PIGU: variants seen among roughly 807,000 people sequenced by gnomAD.
PIGU encodes the protein GPI-anchor transamidase component PIGU.
Under a neutral mutation model 49.9 loss-of-function variants are expected in PIGU, and 24 were observed. The ratio of observed to expected loss-of-function variants is 0.48; its 90% CI spans 0.35 to 0.68. The LOEUF is 0.68. PIGU is among the 30% of genes least tolerant of loss of function. The pLI, the probability that PIGU is intolerant of heterozygous loss-of-function variation, is 0.01. For missense variants in PIGU, 490 were observed against 532.6 expected, an observed-to-expected ratio of 0.92 and a Z score of 0.79; for synonymous variants, 220 against 205.7, an observed-to-expected ratio of 1.07 and a Z score of -0.59.
chr20:34,589,104 TACAC>T (rs11469162), intron 7 of PIGU, among the ~76,000 whole-genome samples: 5,574 of 145,930 alleles, frequency 0.038, 197 homozygotes, highest in African/African-American at 0.095. Flanking sequence ...TACTATTATT[TACAC>T]ACACACACAC....
chr20:34,577,672 C>T (rs1872954237), intron 10 of PIGU, among the ~76,000 whole-genome samples: 1 of 152,250 alleles, frequency 6.6e-6, no homozygotes, highest in African/African-American at 2.4e-5. Flanking sequence ...GCCGAGATTG[C>T]ACCACTGCAC....
intron 11 of PIGU, among the ~76,000 whole-genome samples, chr20:34,570,796 T>C (rs1395363654): frequency 6.6e-6 from 1 of 152,198 alleles, no homozygotes; most frequent in African/African-American, 2.4e-5. Context: ...CCTACTCTTT[T>C]AAAAAAGCTA....
At position 34,560,913 on chromosome 20, in the gene PIGU, A is replaced by G. The variant is rs2146684714; in HGVS notation, c.1261T>C (p.Tyr421His). The change falls in exon 12 of 12, where the codon TAC becomes CAC. Residue 421 changes from tyrosine to histidine, a missense_variant. Physicochemically the swap from Tyr to His is moderately conservative, Grantham distance 83. Transcript: ENST00000217446. ...TCTGTGCCATCCTTGGCGGTCAAGTAGAGGCCATGTGTGAGGTAGTACTCC... is the reference window on the plus strand; with the variant it reads ...TCTGTGCCATCCTTGGCGGTCAAGTGGAGGCCATGTGTGAGGTAGTACTCC... The part of the protein sequence containing the change: ...RREYYLTHGL[Y>H]LTAKDGTEAM... The G allele has an allele frequency of 1.2e-6, 2 of 1,613,004 alleles. No individual in the cohort carries two copies. Among genetic ancestry groups the G allele is most frequent in the South Asian group, 2.2e-5 (2 of 91,024 alleles).
intron 7 of PIGU, among the ~76,000 whole-genome samples, chr20:34,614,895 T>C (rs1340636563): frequency 6.6e-6 from 1 of 152,242 alleles, no homozygotes; most frequent in Non-Finnish European, 1.5e-5. Context: ...CACTGCCACC[T>C]GTACACTTTC....
intron 1 of PIGU, among the ~76,000 whole-genome samples, chr20:34,666,264 C>T (rs1987088978): frequency 6.6e-6 from 1 of 151,954 alleles, no homozygotes; most frequent in South Asian, 2.1e-4. Context: ...GGGGAAAAAA[C>T]AAAAAGACAA....
At chr20:34,626,363 C>T (rs970381138) in intron 6 of PIGU, among the ~76,000 whole-genome samples, 19 of 148,506 alleles carry the variant, frequency 1.3e-4, no homozygotes, top group African/African-American at 2.7e-4. Flanking sequence ...AGTGCAATGG[C>T]GTGATCTCGG....
intron 9 of PIGU, among the ~76,000 whole-genome samples, chr20:34,583,889 T>C (rs1012627644): frequency 6.6e-6 from 1 of 152,236 alleles, no homozygotes; most frequent in African/African-American, 2.4e-5. Flanking sequence ...CCATGGAGAA[T>C]GGCAGGAAGG....
intron 2 of PIGU, among the ~76,000 whole-genome samples, chr20:34,646,208 T>C (rs1336402763): frequency 1.3e-5 from 2 of 152,194 alleles, no homozygotes; most frequent in Non-Finnish European, 1.5e-5. Context: ...AATCACAGAT[T>C]CTATTTATTT....
chr20:34,594,312 G>C (rs1356241223), intron 7 of PIGU, among the ~76,000 whole-genome samples: 2 of 152,182 alleles, frequency 1.3e-5, no homozygotes, highest in African/African-American at 4.8e-5. Context: ...ACTTGTAATT[G>C]CAAAATATTG....
chr20:34,631,144 G>A (rs1390719711), intron 6 of PIGU, among the ~76,000 whole-genome samples: 1 of 151,852 alleles, frequency 6.6e-6, no homozygotes, highest in Admixed American at 6.6e-5. Context: ...ATAAAAATAG[G>A]ATGCCTCAAA....
At chr20:34,658,388 A>G (rs1986784906) in intron 1 of PIGU, among the ~76,000 whole-genome samples, 1 of 152,136 alleles carries the variant, frequency 6.6e-6, no homozygotes, top group Non-Finnish European at 1.5e-5. Context: ...CAAAGTGCCG[A>G]GATTGCAGCC....
At chr20:34,640,664 G>C (rs1489888299) in intron 4 of PIGU, among the ~76,000 whole-genome samples, 1 of 152,172 alleles carries the variant, frequency 6.6e-6, no homozygotes, top group Admixed American at 6.5e-5. Flanking sequence ...GAGATTAAAA[G>C]TGATGTGAAG....
chr20:34,672,855 T>TA (rs772400912), intron 1 of PIGU, among the ~76,000 whole-genome samples: 1 of 95,300 alleles, frequency 1.0e-5, no homozygotes, highest in African/African-American at 4.3e-5. Flanking sequence ...ACCCTGTCTC[T>TA]CAAAAAAAAA....
intron 6 of PIGU, 114 bp from the exon 7 acceptor site, chr20:34,616,253 G>A: frequency 2.6e-6 from 3 of 1,135,348 alleles, no homozygotes; most frequent in Non-Finnish European, 3.7e-6. Context: ...CACCTGCCAA[G>A]TGCCTCCTGG....
intron 2 of PIGU, among the ~76,000 whole-genome samples, chr20:34,646,684 C>T (rs556106765): frequency 6.6e-6 from 1 of 152,338 alleles, no homozygotes; most frequent in South Asian, 2.1e-4. Flanking sequence ...GCTGGCATTA[C>T]AGGCAGGAGC....
chr20:34,569,689 G>T (rs902914965), intron 11 of PIGU, among the ~76,000 whole-genome samples: 1 of 152,314 alleles, frequency 6.6e-6, no homozygotes, highest in Non-Finnish European at 1.5e-5. Context: ...CTAGCCAGAG[G>T]CCCAAATCAG....
intron 2 of PIGU, among the ~76,000 whole-genome samples, chr20:34,654,147 G>A (rs1349724288): frequency 6.5e-5 from 6 of 92,698 alleles, no homozygotes; most frequent in African/African-American, 1.1e-4. Flanking sequence ...GTGAGCCACC[G>A]TGCCCGGCCC....
At chr20:34,567,557 G>A (rs527363483) in intron 11 of PIGU, among the ~76,000 whole-genome samples, 7 of 150,898 alleles carry the variant, frequency 4.6e-5, no homozygotes, top group African/African-American at 1.7e-4. Context: ...TGGTGCCCTG[G>A]ATGCCAGGCT....
In PIGU at chr20:34,581,574, A is replaced by G. The variant is rs1017615601; in HGVS notation, c.1025T>C (p.Phe342Ser). The G allele has an allele frequency of 6.2e-7, 1 of 1,613,496 alleles. No individual in the cohort carries two copies. Reference protein sequence around the residue: ...VGDVALYMAFFPVWNHLYRFL... With the variant: ...VGDVALYMAFSPVWNHLYRFL... ...TCTGTAGAGATGGTTCCACACGGGGAAGAAGGCCATGTAGAGCGCCACGTC... is the reference window on the plus strand; with the variant it reads ...TCTGTAGAGATGGTTCCACACGGGGGAGAAGGCCATGTAGAGCGCCACGTC... Residue 342 changes from phenylalanine to serine, a missense_variant, in exon 10 of 12, where the codon TTC (phenylalanine) becomes TCC (serine). By Grantham distance (155) the Phe-to-Ser change is radical. Coordinates refer to ENST00000217446, the MANE Select transcript of PIGU (RefSeq NM_080476.5).
Sources: gnomAD v4.1 joint callset for allele counts (sites outside exome capture counted in the v4.1 genomes callset) on GRCh38, gnomAD v4.1.1 for gene constraint, MANE v1.5 for transcripts, NCBI Gene and HGNC (gene_info 2026-07-23, HGNC 2026-07-21) for gene names.